ADAMTS12: variants seen among roughly 807,000 people sequenced by gnomAD.
ADAMTS12 encodes the protein ADAM metallopeptidase with thrombospondin type 1 motif 12.
ADAMTS12 carries 118 observed loss-of-function variants against 167.8 expected under a neutral mutation model. The observed-to-expected ratio is 0.70, with a 90% CI of 0.61 to 0.82. The LOEUF (loss-of-function observed/expected upper bound fraction) is 0.82. Ranked by LOEUF, ADAMTS12 falls within the 40% of genes least tolerant of loss-of-function variation. The pLI is 0.00. For missense variants in ADAMTS12, 1,916 were observed against 1,998.8 expected (o/e 0.96, Z 0.79); for synonymous variants, 704 against 716.9 (o/e 0.98, Z 0.29).
intron 1 of ADAMTS12, among the ~76,000 whole-genome samples, chr5:33,883,410 A>C (rs906467704): frequency 1.3e-5 from 2 of 149,616 alleles, no homozygotes; most frequent in African/African-American, 5.0e-5. Flanking sequence ...CTTGGATGAA[A>C]TATGGGGCAG....
At chr5:33,527,444 G>GT in intron 23 of ADAMTS12, 78 bp from the exon 24 acceptor site, 1 of 1,388,940 alleles carries the variant, frequency 7.2e-7, no homozygotes, top group East Asian at 2.4e-5. Flanking sequence ...TTCTATTAAT[G>GT]TAAGACTTTA....
chr5:33,615,706 G>C, intron 15 of ADAMTS12, 122 bp downstream of exon 15: 1 of 1,327,234 alleles, frequency 7.5e-7, no homozygotes. Flanking sequence ...TCCCCTCCCT[G>C]CTCCTTGCTA....
chr5:33,562,067 C>T (rs1456540395), intron 19 of ADAMTS12, among the ~76,000 whole-genome samples: 1 of 152,164 alleles, frequency 6.6e-6, no homozygotes, highest in Non-Finnish European at 1.5e-5. Context: ...TACAGTAGTG[C>T]TCCTCAAACT....
intron 8 of ADAMTS12, 60 bp downstream of exon 8, chr5:33,649,493 TC>T (rs1292547541): frequency 6.3e-7 from 1 of 1,580,274 alleles, no homozygotes. Context: ...TGTGTAAAAC[TC>T]AATGCAGCTT....
Position 33,577,055 on chromosome 5 carries a change from A to C in ADAMTS12, c.2971T>G (p.Cys991Gly), listed in dbSNP as rs780296925. ...CTAGAAGGGCATTGCTGGAGGCCAC[A>C]CAGAGCTCGGCTGTTGGGTTTCCTT... ...VTRKPNSRAL[C>G]GLQQCPSSRR... Residue 991 changes from cysteine to glycine, a missense_variant, in exon 19 of 24, where the codon TGT (cysteine) becomes GGT (glycine). Cys to Gly is a radical substitution (Grantham distance 159). Coordinates refer to ENST00000504830, the MANE Select transcript of ADAMTS12 (RefSeq NM_030955.4). 1 of 1,614,208 alleles carries C rather than the reference A, an allele frequency of 6.2e-7. No individual in the cohort carries two copies. The highest frequency in any genetic ancestry group is 8.5e-7 in the Non-Finnish European group (1 of 1,180,030).
At chr5:33,665,157 A>T (rs1561202509) in intron 5 of ADAMTS12, among the ~76,000 whole-genome samples, 1 of 152,220 alleles carries the variant, frequency 6.6e-6, no homozygotes, top group Non-Finnish European at 1.5e-5. Flanking sequence ...TAAGCCAGGC[A>T]CAGGAAGACA....
At chr5:33,700,246 G>A (rs899267221) in intron 3 of ADAMTS12, among the ~76,000 whole-genome samples, 9 of 152,194 alleles carry the variant, frequency 5.9e-5, no homozygotes, top group Non-Finnish European at 1.3e-4. Flanking sequence ...ATAAAAATCT[G>A]TAGCAGCTTT....
intron 7 of ADAMTS12, among the ~76,000 whole-genome samples, chr5:33,655,616 T>TAGTTTAAC (rs1741026132): frequency 2.1e-5 from 1 of 47,026 alleles, no homozygotes; most frequent in South Asian, 7.4e-4. Flanking sequence ...CTTTTTTTTT[T>TAGTTTAAC]TTAGTTTTAT....
chr5:33,734,942 T>C lies in ADAMTS12; in HGVS notation c.634+16462A>G, dbSNP rs371038186. 9.8e-5 allele frequency among the ~76,000 whole-genome samples: 15 copies of C among 152,406 alleles called. 1 individual carries two copies. The South Asian group carries it at 2.9e-3, about 29-fold the overall frequency. On this transcript the variant is annotated intron_variant, in intron 3 of 23. Coordinates refer to ENST00000504830, the MANE Select transcript of ADAMTS12 (RefSeq NM_030955.4). Reference sequence around the variant, plus strand: ...CACCCGGACATACCTTACTGCAAGATACCTTGCATGTACCTTAATGATTCT... The same window carrying C: ...CACCCGGACATACCTTACTGCAAGACACCTTGCATGTACCTTAATGATTCT...
At chr5:33,875,807 A>G (rs536681269) in intron 2 of ADAMTS12, among the ~76,000 whole-genome samples, 1 of 152,206 alleles carries the variant, frequency 6.6e-6, no homozygotes, top group Non-Finnish European at 1.5e-5. Flanking sequence ...AATTCTAGCC[A>G]AAGTAATAAA....
intron 5 of ADAMTS12, among the ~76,000 whole-genome samples, chr5:33,682,399 T>G (rs1357443644): frequency 6.6e-6 from 1 of 152,064 alleles, no homozygotes; most frequent in Non-Finnish European, 1.5e-5. Context: ...TACTTGGATA[T>G]GAGCCTGAAG....
chr5:33,792,472 C>T (rs1235743460), intron 2 of ADAMTS12, among the ~76,000 whole-genome samples: 2 of 152,194 alleles, frequency 1.3e-5, no homozygotes, highest in Admixed American at 1.3e-4. Flanking sequence ...TTTTCCTTGA[C>T]CTCGTGATAA....
chr5:33,847,465 AC>A (rs1207238748), intron 2 of ADAMTS12, among the ~76,000 whole-genome samples: 5 of 152,198 alleles, frequency 3.3e-5, no homozygotes, highest in African/African-American at 1.2e-4. Flanking sequence ...TCTACTAAAA[AC>A]ACAAAAATTA....
chr5:33,565,249 G>A (rs900506337), intron 19 of ADAMTS12, among the ~76,000 whole-genome samples: 2 of 152,128 alleles, frequency 1.3e-5, no homozygotes, highest in Non-Finnish European at 1.5e-5. Context: ...TCTGCCTCCC[G>A]GATTCAAGTG....
chr5:33,686,936 T>G (rs201654164), intron 3 of ADAMTS12, among the ~76,000 whole-genome samples: 15,788 of 145,444 alleles, frequency 0.11, 937 homozygotes, highest in South Asian at 0.23. Flanking sequence ...TATATATATA[T>G]AGAGAGAGAG....
Position 33,646,063 on chromosome 5 carries a change from G to C in ADAMTS12, c.1480-2593C>G, listed in dbSNP as rs542869914. On this transcript the variant is annotated intron_variant, in intron 9 of 23. Coordinates refer to ENST00000504830, the MANE Select transcript of ADAMTS12 (RefSeq NM_030955.4). Reference sequence around the variant, plus strand: ...AGGAACCACTGTGCAGGGTTCTAGAGGTTGTGGAGAACCCAGCACTTTCAG... The same window carrying C: ...AGGAACCACTGTGCAGGGTTCTAGACGTTGTGGAGAACCCAGCACTTTCAG... Among the ~76,000 whole-genome samples the C allele has an allele frequency of 4.6e-5, 7 of 152,278 alleles. No homozygotes were observed. The East Asian group carries it at 7.7e-4, about 17-fold the overall frequency.
At chr5:33,891,670 C>T in intron 1 of ADAMTS12, 60 bp downstream of exon 1, 1 of 1,606,332 alleles carries the variant, frequency 6.2e-7, no homozygotes, top group Non-Finnish European at 8.5e-7. Context: ...AGGGGAGCAA[C>T]AAAATTCCCG....
chr5:33,569,173 G>A (rs1746174241), intron 19 of ADAMTS12, among the ~76,000 whole-genome samples: 1 of 152,256 alleles, frequency 6.6e-6, no homozygotes, highest in Admixed American at 6.5e-5. Flanking sequence ...GCAGGGCACA[G>A]ACAAACAAAA....
At position 33,768,149 on chromosome 5, in the gene ADAMTS12, T is replaced by C. The variant is rs544243108; in HGVS notation, c.490-16601A>G. Among the ~76,000 whole-genome samples, 4 of 152,350 alleles carry C rather than the reference T, an allele frequency of 2.6e-5. No homozygotes were observed. The South Asian group carries it at 8.3e-4, about 32-fold the overall frequency. On this transcript the variant is annotated intron_variant, in intron 2 of 23. Coordinates refer to ENST00000504830, the MANE Select transcript of ADAMTS12 (RefSeq NM_030955.4). ...GACTGCTGTGCTGGGCAAGAGGCCA[T>C]TCAGGAGGTCTCCATGCTATGGAAG... is the stretch of plus-strand genomic sequence containing the variant.
Sources: gnomAD v4.1 joint callset for allele counts (sites outside exome capture counted in the v4.1 genomes callset) on GRCh38, gnomAD v4.1.1 for gene constraint, MANE v1.5 for transcripts, NCBI Gene and HGNC (gene_info 2026-07-23, HGNC 2026-07-21) for gene names.